Variants in VDAC1 observed in about 807,000 individuals in gnomAD.
VDAC1 encodes the protein voltage dependent anion channel 1.
A neutral mutation model predicts 34.7 loss-of-function variants in VDAC1; 10 were observed. The observed-to-expected ratio is 0.29, with a 90% CI of 0.18 to 0.49. VDAC1 has a LOEUF of 0.49. VDAC1 is among the 20% of genes least tolerant of loss of function. The pLI is 0.99. For synonymous variants in VDAC1, 130 were observed against 136.0 expected, an observed-to-expected ratio of 0.96 and a Z score of 0.30; for missense variants, 230 against 347.9, an observed-to-expected ratio of 0.66 and a Z score of 2.69.
At chr5:134,058,710 G>A in the VDAC1 span, among the ~76,000 whole-genome samples, 1 of 151,846 alleles carries the variant, frequency 6.6e-6, no homozygotes, top group Non-Finnish European at 1.5e-5. Flanking sequence ...ATCAGGGCCA[G>A]ATAGGGAACA....
chr5:134,033,997 AAAAAG>A, the VDAC1 span, among the ~76,000 whole-genome samples: 181 of 152,272 alleles, frequency 1.2e-3, no homozygotes, highest in Non-Finnish European at 1.8e-3. Context: ...GTCTCAAAAA[AAAAAG>A]AAAAGAACCG....
the VDAC1 span, among the ~76,000 whole-genome samples, chr5:134,083,689 G>A: frequency 6.6e-6 from 1 of 152,178 alleles, no homozygotes; most frequent in African/African-American, 2.4e-5. Context: ...GCCTTCAACT[G>A]GCAAGGACTT....
At chr5:134,045,701 G>C in the VDAC1 span, among the ~76,000 whole-genome samples, 1 of 151,584 alleles carries the variant, frequency 6.6e-6, no homozygotes, top group African/African-American at 2.4e-5. Context: ...TTGAGATGGG[G>C]TTTCACTCTT....
the VDAC1 span, among the ~76,000 whole-genome samples, chr5:134,101,251 C>T: frequency 2.0e-5 from 3 of 152,136 alleles, no homozygotes; most frequent in Non-Finnish European, 4.4e-5. Context: ...TTCCTTTCTC[C>T]GAGCCCCTAA....
the VDAC1 span, among the ~76,000 whole-genome samples, chr5:134,060,874 C>T: frequency 4.0e-5 from 2 of 49,590 alleles, no homozygotes; most frequent in African/African-American, 3.1e-4. Context: ...TCCTCCTCTT[C>T]TTCTTCTTTT....
At chr5:133,993,923 T>A (rs1464332569) in intron 1 of VDAC1, among the ~76,000 whole-genome samples, 2 of 152,216 alleles carry the variant, frequency 1.3e-5, no homozygotes, top group Non-Finnish European at 2.9e-5. Context: ...GGACTGTACA[T>A]GGTGTGCTCT....
At chr5:134,033,582 C>T in the VDAC1 span, among the ~76,000 whole-genome samples, 1 of 151,196 alleles carries the variant, frequency 6.6e-6, no homozygotes, top group African/African-American at 2.4e-5. Flanking sequence ...TTTGTATTTC[C>T]GGGTCTTAAA....
At chr5:133,986,288 A>C (rs1194838742) in intron 5 of VDAC1, among the ~76,000 whole-genome samples, 1 of 151,944 alleles carries the variant, frequency 6.6e-6, no homozygotes. Context: ...CCCAGGCTGT[A>C]CCCTCAGTCA....
upstream of VDAC1, among the ~76,000 whole-genome samples, chr5:134,009,245 T>C (rs558430801): frequency 6.8e-6 from 1 of 147,722 alleles, no homozygotes; most frequent in Non-Finnish European, 1.5e-5. Flanking sequence ...AATTTATCAA[T>C]TCTTTTTTTT....
chr5:134,073,760 TA>T, the VDAC1 span, among the ~76,000 whole-genome samples: 1 of 152,278 alleles, frequency 6.6e-6, no homozygotes, highest in African/African-American at 2.4e-5. Flanking sequence ...CTCCAACATG[TA>T]CCAGTAGCTG....
chr5:133,997,377 A>T (rs1230305166), intron 1 of VDAC1, among the ~76,000 whole-genome samples: 1 of 152,150 alleles, frequency 6.6e-6, no homozygotes, highest in Non-Finnish European at 1.5e-5. Context: ...TTAAGGTACT[A>T]TACTTGCAAA....
the VDAC1 span, among the ~76,000 whole-genome samples, chr5:134,041,530 C>G: frequency 1.3e-5 from 2 of 152,198 alleles, no homozygotes; most frequent in Non-Finnish European, 2.9e-5. Flanking sequence ...TCAGGGAGCC[C>G]TGGACATCAG....
chr5:134,065,433 T>C, the VDAC1 span, among the ~76,000 whole-genome samples: 1 of 149,430 alleles, frequency 6.7e-6, no homozygotes, highest in Non-Finnish European at 1.5e-5. Flanking sequence ...CTCTGCCTCC[T>C]GGGTTCAAGT....
At chr5:134,042,508 TAGAC>T in the VDAC1 span, among the ~76,000 whole-genome samples, 1 of 152,144 alleles carries the variant, frequency 6.6e-6, no homozygotes, top group East Asian at 1.9e-4. Flanking sequence ...TTTTTTTTCT[TAGAC>T]AGAGTCTTGC....
At chr5:134,070,234 C>T in the VDAC1 span, among the ~76,000 whole-genome samples, 3 of 152,110 alleles carry the variant, frequency 2.0e-5, no homozygotes, top group African/African-American at 7.2e-5. Flanking sequence ...CTTTGCTTCC[C>T]AGTTTCAAGC....
chr5:134,109,508 G>A, the VDAC1 span, among the ~76,000 whole-genome samples: 5 of 152,110 alleles, frequency 3.3e-5, no homozygotes, highest in South Asian at 2.1e-4. Flanking sequence ...GGTGGCTCAC[G>A]CTTGTAATCC....
chr5:134,033,154 AT>A, the VDAC1 span, among the ~76,000 whole-genome samples: 18,699 of 125,196 alleles, frequency 0.15, 1,140 homozygotes, highest in African/African-American at 0.19. Context: ...GTAGAAACTA[AT>A]TTTTTTTTTT....
At chr5:133,994,317 T>C (rs1407124560) in intron 1 of VDAC1, among the ~76,000 whole-genome samples, 1 of 152,236 alleles carries the variant, frequency 6.6e-6, no homozygotes, top group Non-Finnish European at 1.5e-5. Flanking sequence ...CCTACTTTAC[T>C]TTTTCCAGAT....
the VDAC1 span, among the ~76,000 whole-genome samples, chr5:134,101,582 C>T: frequency 6.6e-6 from 1 of 151,538 alleles, no homozygotes. Flanking sequence ...AGAGTCCTGG[C>T]CTGTGAGCTG....
Sources: allele counts gnomAD v4.1 joint callset (sites outside exome capture counted in the v4.1 genomes callset), GRCh38; gene constraint gnomAD v4.1.1; transcripts MANE v1.5; gene names NCBI Gene and HGNC (gene_info 2026-07-23, HGNC 2026-07-21).